PTTG1IP2: variants seen among roughly 807,000 people sequenced by gnomAD.
PTTG1IP2 encodes PTTG1IP family member 2.
chr7:90,504,301 G>A (rs1054324933), intron 6 of PTTG1IP2, among the ~76,000 whole-genome samples: 3 of 150,958 alleles, frequency 2.0e-5, no homozygotes, highest in African/African-American at 7.3e-5. Context: ...GGGCGACAGA[G>A]TGAGACTCCA....
chr7:90,471,886 T>C (rs10263772), intron 1 of PTTG1IP2, among the ~76,000 whole-genome samples: 145,526 of 152,136 alleles, frequency 0.96, 69,647 homozygotes, highest in East Asian at 1. Context: ...GATTTGAGGG[T>C]GGATCTAGAG....
At chr7:90,486,178 T>TC (rs200587102) in intron 2 of PTTG1IP2, among the ~76,000 whole-genome samples, 2 of 151,560 alleles carry the variant, frequency 1.3e-5, no homozygotes, top group African/African-American at 2.4e-5. Context: ...AAGAAGTGAT[T>TC]GGGTGGGGTC....
intron 3 of PTTG1IP2, among the ~76,000 whole-genome samples, chr7:90,487,882 C>A (rs1317575098): frequency 6.6e-6 from 1 of 152,018 alleles, no homozygotes; most frequent in African/African-American, 2.4e-5. Context: ...ATAAGCTAGT[C>A]CTGGTCTGAG....
intron 1 of PTTG1IP2, among the ~76,000 whole-genome samples, chr7:90,474,428 C>T (rs1200735852): frequency 6.6e-6 from 1 of 152,120 alleles, no homozygotes; most frequent in Non-Finnish European, 1.5e-5. Flanking sequence ...TCAGATCAGA[C>T]CAATGGAGAA....
At chr7:90,505,233 A>G (rs1798110252) in intron 6 of PTTG1IP2, among the ~76,000 whole-genome samples, 1 of 152,082 alleles carries the variant, frequency 6.6e-6, no homozygotes, top group South Asian at 2.1e-4. Flanking sequence ...CCTTTTCAGA[A>G]AAAGGCAATA....
intron 6 of PTTG1IP2, among the ~76,000 whole-genome samples, chr7:90,511,543 C>T (rs1056058928): frequency 1.3e-5 from 2 of 152,186 alleles, no homozygotes; most frequent in Admixed American, 1.3e-4. Context: ...GAGGCGCTTG[C>T]ACCAATTCCA....
chr7:90,478,918 T>C lies in PTTG1IP2; in HGVS notation c.146-310T>C, dbSNP rs368476554. ...TCCTGAATAACAGCACATGATATTT[T>C]AAAATACAATGGAGTTGCCAATTTG... On this transcript the variant is annotated intron_variant, in intron 1 of 6. Coordinates refer to ENST00000509356, the MANE Select transcript of PTTG1IP2 (RefSeq NM_001365443.2). 1.8e-4 allele frequency among the ~76,000 whole-genome samples: 27 copies of C among 152,288 alleles called. No homozygotes were observed. In the South Asian group the frequency reaches 5.6e-3, roughly 32 times the overall value.
chr7:90,503,906 G>A (rs1474558644), intron 6 of PTTG1IP2, among the ~76,000 whole-genome samples: 1 of 152,190 alleles, frequency 6.6e-6, no homozygotes, highest in Non-Finnish European at 1.5e-5. Flanking sequence ...CTGACACCAA[G>A]TTGCCATAAA....
chr7:90,512,724 CAA>C (rs1798204828), intron 6 of PTTG1IP2, among the ~76,000 whole-genome samples: 1 of 152,168 alleles, frequency 6.6e-6, no homozygotes, highest in Non-Finnish European at 1.5e-5. Flanking sequence ...TCAAGGAAGA[CAA>C]GAAGTAGTCT....
chr7:90,474,518 A>G (rs1797725806), intron 1 of PTTG1IP2, among the ~76,000 whole-genome samples: 2 of 152,234 alleles, frequency 1.3e-5, no homozygotes, highest in Non-Finnish European at 2.9e-5. Context: ...GCAGCACTGA[A>G]TACAAAGAGC....
intron 1 of PTTG1IP2, among the ~76,000 whole-genome samples, chr7:90,477,313 C>A (rs1454412072): frequency 6.6e-6 from 1 of 152,152 alleles, no homozygotes; most frequent in Non-Finnish European, 1.5e-5. Context: ...TCATGTAACA[C>A]ATAGGTCAGC....
intron 4 of PTTG1IP2, among the ~76,000 whole-genome samples, chr7:90,490,229 A>G (rs1797922338): frequency 6.6e-6 from 1 of 152,048 alleles, no homozygotes; most frequent in Non-Finnish European, 1.5e-5. Flanking sequence ...GTATTTGCAT[A>G]GTCCATTACA....
chr7:90,493,627 G>A (rs777838793), intron 5 of PTTG1IP2, among the ~76,000 whole-genome samples: 2 of 152,242 alleles, frequency 1.3e-5, no homozygotes, highest in African/African-American at 2.4e-5. Flanking sequence ...GGAATAAAGT[G>A]TAGTCAAATT....
chr7:90,490,160 T>C (rs1797921388), intron 4 of PTTG1IP2, among the ~76,000 whole-genome samples: 1 of 152,028 alleles, frequency 6.6e-6, no homozygotes, highest in South Asian at 2.1e-4. Flanking sequence ...ATTTTTTCCT[T>C]TTGGTGGAGT....
At chr7:90,501,801 C>T (rs956342341) in intron 6 of PTTG1IP2, among the ~76,000 whole-genome samples, 2 of 152,158 alleles carry the variant, frequency 1.3e-5, no homozygotes, top group Non-Finnish European at 1.5e-5. Context: ...GTGGTGGTTG[C>T]TGAAGTTTGG....
chr7:90,489,154 TC>T (rs1369820607), intron 4 of PTTG1IP2, among the ~76,000 whole-genome samples, 190 bp downstream of exon 4: 2 of 151,610 alleles, frequency 1.3e-5, no homozygotes, highest in South Asian at 4.2e-4. Flanking sequence ...AACTTTCTCA[TC>T]CCCCACCCCA....
chr7:90,486,929 A>G (rs1408354879), intron 2 of PTTG1IP2, among the ~76,000 whole-genome samples: 1 of 152,180 alleles, frequency 6.6e-6, no homozygotes, highest in Non-Finnish European at 1.5e-5. Context: ...TCTTAGCTAA[A>G]TCTCACTCTT....
At chr7:90,506,323 T>A (rs1798124952) in intron 6 of PTTG1IP2, among the ~76,000 whole-genome samples, 2 of 152,252 alleles carry the variant, frequency 1.3e-5, no homozygotes. Context: ...TCAAGTCATG[T>A]AATTTTCAAT....
intron 3 of PTTG1IP2, among the ~76,000 whole-genome samples, chr7:90,488,593 T>A (rs1189924757): frequency 6.6e-6 from 1 of 151,888 alleles, no homozygotes; most frequent in African/African-American, 2.4e-5. Flanking sequence ...AGTTTAGAGG[T>A]AAAATAAAGA....
Sources: gnomAD v4.1 joint callset for allele counts (sites outside exome capture counted in the v4.1 genomes callset) on GRCh38, gnomAD v4.1.1 for gene constraint, MANE v1.5 for transcripts, NCBI Gene and HGNC (gene_info 2026-07-23, HGNC 2026-07-21) for gene names.